HDAC8: variants seen among roughly 807,000 people sequenced by gnomAD.
HDAC8 encodes the protein histone deacetylase 8.
Under a neutral mutation model 32.2 loss-of-function variants are expected in HDAC8, and 1 was observed. The ratio of observed to expected loss-of-function variants is 0.03; its 90% CI spans 0.01 to 0.15. HDAC8 has a LOEUF of 0.15. HDAC8 is among the 10% of genes least tolerant of loss of function. HDAC8 has a pLI of 1.00. For missense variants in HDAC8, 117 were observed against 300.0 expected, an observed-to-expected ratio of 0.39 and a Z score of 4.51; for synonymous variants, 108 against 113.9, an observed-to-expected ratio of 0.95 and a Z score of 0.33.
intron 9 of HDAC8, among the ~76,000 whole-genome samples, chrX:72,440,631 T>G (rs1438739424): frequency 8.9e-6 from 1 of 111,991 alleles, no homozygotes; most frequent in East Asian, 2.8e-4. Context: ...TTTCTGCATT[T>G]CTATCTGAGG....
At chrX:72,358,358 T>G (rs1288170444) in intron 9 of HDAC8, among the ~76,000 whole-genome samples, 1 of 112,093 alleles carries the variant, frequency 8.9e-6, no homozygotes, top group Non-Finnish European at 1.9e-5. Context: ...ATATCCGAAC[T>G]GCCTGCATCA....
At chrX:72,405,369 AT>A (rs2046009274) in intron 9 of HDAC8, among the ~76,000 whole-genome samples, 1 of 112,366 alleles carries the variant, frequency 8.9e-6, no homozygotes, top group African/African-American at 3.2e-5. Flanking sequence ...CCAGTCTGTC[AT>A]TGCTGGGCAT....
chrX:72,515,521 T>C (rs1382581271), intron 4 of HDAC8, among the ~76,000 whole-genome samples: 1 of 92,827 alleles, frequency 1.1e-5, no homozygotes, highest in African/African-American at 4.2e-5. Flanking sequence ...TACTCTGTTC[T>C]ACACTCTGGG....
intron 8 of HDAC8, 175 bp from the exon 9 acceptor site, chrX:72,462,273 T>C (rs1327608470): frequency 4.7e-6 from 2 of 425,741 alleles, no homozygotes; most frequent in Non-Finnish European, 8.2e-6. Context: ...CAGACTTTGG[T>C]GGACCAGTCA....
intron 9 of HDAC8, among the ~76,000 whole-genome samples, chrX:72,406,896 C>T (rs1569274195): frequency 9.0e-6 from 1 of 111,469 alleles, no homozygotes; most frequent in African/African-American, 3.3e-5. Context: ...TCCATTATCA[C>T]ACAAAGTTTT....
At chrX:72,345,778 G>T (rs2044010857) in intron 10 of HDAC8, among the ~76,000 whole-genome samples, 1 of 111,206 alleles carries the variant, frequency 9.0e-6, no homozygotes, top group Admixed American at 9.5e-5. Context: ...CCTCCCTGGG[G>T]TTAAGCAATC....
intron 9 of HDAC8, among the ~76,000 whole-genome samples, chrX:72,368,329 C>T (rs1357084629): frequency 7.4e-5 from 8 of 107,645 alleles, no homozygotes; most frequent in African/African-American, 2.7e-4. Flanking sequence ...GTCAGAGTTC[C>T]TCATTCCCTC....
chrX:72,421,678 G>A (rs2046497326), intron 9 of HDAC8, among the ~76,000 whole-genome samples: 1 of 112,180 alleles, frequency 8.9e-6, no homozygotes, highest in Non-Finnish European at 1.9e-5. Flanking sequence ...AGAAAATAAA[G>A]AGTCAAGTTA....
At chrX:72,490,249 C>T (rs1422682328) in intron 6 of HDAC8, among the ~76,000 whole-genome samples, 1 of 110,723 alleles carries the variant, frequency 9.0e-6, no homozygotes, top group Non-Finnish European at 1.9e-5. Flanking sequence ...CATCCCATTA[C>T]TGGGTATATA....
chrX:72,521,638 G>C (rs782377153), intron 4 of HDAC8, among the ~76,000 whole-genome samples: 13 of 110,531 alleles, frequency 1.2e-4, no homozygotes, highest in African/African-American at 3.9e-4. Flanking sequence ...GCCAAATTTG[G>C]GATAATTTGA....
chrX:72,428,261 T>C (rs2046708387), intron 9 of HDAC8, among the ~76,000 whole-genome samples: 1 of 111,982 alleles, frequency 8.9e-6, no homozygotes, highest in Admixed American at 9.4e-5. Flanking sequence ...ACCTGGCTAA[T>C]TTTTGTATTT....
intron 10 of HDAC8, among the ~76,000 whole-genome samples, chrX:72,338,280 A>T (rs1275808706): frequency 1.8e-5 from 2 of 111,463 alleles, no homozygotes; most frequent in African/African-American, 3.3e-5. Context: ...TATTCACTGA[A>T]GGAAAAGACA....
At chrX:72,382,665 A>G (rs1471604350) in intron 9 of HDAC8, among the ~76,000 whole-genome samples, 2 of 112,372 alleles carry the variant, frequency 1.8e-5, no homozygotes, top group Non-Finnish European at 3.8e-5. Flanking sequence ...GCAGGATTCC[A>G]TTCATATGAA....
intron 1 of HDAC8, 35 bp downstream of exon 1, chrX:72,572,616 C>CCA: frequency 2.5e-6 from 2 of 793,842 alleles, no homozygotes; most frequent in Admixed American, 3.2e-5. Flanking sequence ...CCCCCACCCC[C>CCA]AAAGCCCATG....
At chrX:72,421,947 G>A (rs1462862764) in intron 9 of HDAC8, among the ~76,000 whole-genome samples, 2 of 111,867 alleles carry the variant, frequency 1.8e-5, no homozygotes, top group African/African-American at 6.5e-5. Flanking sequence ...GTTTTACAGT[G>A]TTTTTCTTTC....
chrX:72,494,366 GA>G (rs1172745627), intron 5 of HDAC8, among the ~76,000 whole-genome samples: 60 of 100,563 alleles, frequency 6.0e-4, no homozygotes, highest in African/African-American at 1.1e-3. Context: ...TAGTTTGTCT[GA>G]AAAAAAAAAA....
chrX:72,496,829 A>G (rs1321496421), intron 4 of HDAC8, among the ~76,000 whole-genome samples: 1 of 111,063 alleles, frequency 9.0e-6, no homozygotes, highest in African/African-American at 3.3e-5. Context: ...GGCAACCAGA[A>G]ATAATATGGC....
chrX:72,509,569 T>C (rs1269818744), intron 4 of HDAC8, among the ~76,000 whole-genome samples: 1 of 111,835 alleles, frequency 8.9e-6, no homozygotes, highest in Non-Finnish European at 1.9e-5. Context: ...AAGGAAATCA[T>C]GTGACAACAG....
chrX:72,492,027 C>T (rs1556010103), intron 5 of HDAC8, among the ~76,000 whole-genome samples: 1 of 111,761 alleles, frequency 8.9e-6, no homozygotes, highest in East Asian at 2.8e-4. Flanking sequence ...TTTCCCAAGC[C>T]TTATGTTTGG....
Sources: gnomAD v4.1 joint callset for allele counts (sites outside exome capture counted in the v4.1 genomes callset) on GRCh38, gnomAD v4.1.1 for gene constraint, MANE v1.5 for transcripts, NCBI Gene and HGNC (gene_info 2026-07-23, HGNC 2026-07-21) for gene names.